Variants in FAM135B observed in about 807,000 individuals in gnomAD.
The protein encoded by FAM135B is family with sequence similarity 135 member B, also known as protein FAM135B.
A neutral mutation model predicts 127.7 loss-of-function variants in FAM135B; 43 were observed. The ratio of observed to expected loss-of-function variants is 0.34; its 90% CI spans 0.26 to 0.43. The LOEUF (loss-of-function observed/expected upper bound fraction) is 0.43. Ranked by LOEUF, FAM135B falls within the 20% of genes least tolerant of loss-of-function variation. The pLI is 1.00. For missense variants in FAM135B, 1,558 were observed against 1,725.6 expected (o/e 0.90, Z 1.72); for synonymous variants, 670 against 665.1 (o/e 1.01, Z -0.11).
intron 1 of FAM135B, among the ~76,000 whole-genome samples, chr8:138,486,940 G>A (rs1231485105): frequency 6.6e-6 from 1 of 151,994 alleles, no homozygotes; most frequent in African/African-American, 2.4e-5. Context: ...AAGGTTCCTG[G>A]GATGAAGGAC....
chr8:138,415,831 G>C (rs753188939), intron 1 of FAM135B, among the ~76,000 whole-genome samples: 1 of 152,122 alleles, frequency 6.6e-6, no homozygotes, highest in Non-Finnish European at 1.5e-5. Flanking sequence ...CATCCCCATA[G>C]GCCCATCTCC....
At chr8:138,186,749 C>T (rs1815621172) in intron 9 of FAM135B, among the ~76,000 whole-genome samples, 1 of 152,178 alleles carries the variant, frequency 6.6e-6, no homozygotes, top group Admixed American at 6.5e-5. Flanking sequence ...GGGGCACCGC[C>T]CTAGAAGAGG....
chr8:138,132,733 A>C lies in FAM135B; in HGVS notation c.4081T>G (p.Leu1361Val), dbSNP rs963566320. ...GCGTGGAACACGTTGTGTCGGATTAAAGTGCAGTCCTTGGCTTCAACCAGA... is the reference window on the plus strand; with the variant it reads ...GCGTGGAACACGTTGTGTCGGATTACAGTGCAGTCCTTGGCTTCAACCAGA... Reference protein sequence around the residue: ...GPLVEAKDCTLIRHNVFHALP... With the variant: ...GPLVEAKDCTVIRHNVFHALP... The change falls in exon 20 of 20, where the codon TTA (leucine) becomes GTA (valine). Residue 1361 changes from leucine (L) to valine (V), a missense_variant. By Grantham distance (32) the Leu-to-Val change is conservative (BLOSUM62 1). Coordinates refer to ENST00000395297, the MANE Select transcript of FAM135B (RefSeq NM_015912.4). This position sits in a 1 kb window ranked among gnomAD's most constrained non-coding sequence, Gnocchi z 4.5. 1 of 1,614,182 alleles carries C rather than the reference A, an allele frequency of 6.2e-7. No individual in the cohort carries two copies.
intron 1 of FAM135B, among the ~76,000 whole-genome samples, chr8:138,416,653 C>A (rs1483078691): frequency 6.6e-6 from 1 of 152,032 alleles, no homozygotes; most frequent in South Asian, 2.1e-4. Context: ...TGAAACCAAA[C>A]AAACATAATT....
chr8:138,264,017 C>T (rs1400761979), intron 4 of FAM135B, among the ~76,000 whole-genome samples: 1 of 152,186 alleles, frequency 6.6e-6, no homozygotes. Flanking sequence ...CCTATCATGG[C>T]CCACAATGCT....
At position 138,324,821 on chromosome 8, in the gene FAM135B, C is replaced by A. The variant is rs375071772; in HGVS notation, c.78-13901G>T. On this transcript the variant is annotated intron_variant, in intron 2 of 19. Transcript: ENST00000395297. ...GTGCTCGTAACGACTATACAATACA[C>A]CCTATCCTGACCGGGGGAAGAATTA... is the stretch of plus-strand genomic sequence containing the variant. 3.9e-5 allele frequency among the ~76,000 whole-genome samples: 6 copies of A among 152,170 alleles called. No individual in the cohort carries two copies. In the East Asian group the frequency reaches 5.8e-4, roughly 15 times the overall value.
At position 138,141,327 on chromosome 8, in the gene FAM135B, T is replaced by C. The variant is rs778971795; in HGVS notation, c.3661A>G (p.Asn1221Asp). Residue 1221 changes from asparagine to aspartate, a missense_variant, in exon 17 of 20, where the codon AAC becomes GAC. Asn to Asp is a conservative substitution (Grantham distance 23). Coordinates refer to ENST00000395297, the MANE Select transcript of FAM135B (RefSeq NM_015912.4). This position sits in a 1 kb window ranked among gnomAD's most constrained non-coding sequence, Gnocchi z 4.7. ...RISFIGHSLG[N>D]IIIRSVLTRP... ...GTGAGGACCGATCGGATGATGATGT[T>C]GCCAAGAGAATGGCCAATGAAGCTG... 6.2e-7 allele frequency: 1 copy of C among 1,614,102 alleles called. No individual in the cohort carries two copies. The highest frequency in any genetic ancestry group is 8.5e-7 in the Non-Finnish European group (1 of 1,180,008).
intron 3 of FAM135B, among the ~76,000 whole-genome samples, chr8:138,298,025 C>T (rs564734658): frequency 3.9e-5 from 6 of 152,174 alleles, no homozygotes; most frequent in Admixed American, 1.3e-4. Context: ...CCTACCTCCA[C>T]GACTTAATAC....
chr8:138,288,974 G>A (rs903251986), intron 3 of FAM135B, among the ~76,000 whole-genome samples: 2 of 152,174 alleles, frequency 1.3e-5, no homozygotes, highest in African/African-American at 4.8e-5. Context: ...CAGGCTGGAA[G>A]TCTGCCTAAA....
At chr8:138,348,127 C>CTTTTTTTTTTTTTT (rs58289442) in intron 2 of FAM135B, among the ~76,000 whole-genome samples, 2 of 52,838 alleles carry the variant, frequency 3.8e-5, no homozygotes, top group Non-Finnish European at 6.3e-5. Context: ...TTTTCCTCCT[C>CTTTTTTTTTTTTTT]TTTTTTTTTT....
intron 10 of FAM135B, 123 bp downstream of exon 10, chr8:138,178,412 G>T: frequency 8.9e-7 from 1 of 1,125,576 alleles, no homozygotes; most frequent in Non-Finnish European, 1.3e-6. Context: ...CACGGTCATG[G>T]TAGAGACACG....
At chr8:138,453,464 G>A (rs1836606622) in intron 1 of FAM135B, among the ~76,000 whole-genome samples, 1 of 149,744 alleles carries the variant, frequency 6.7e-6, no homozygotes, top group East Asian at 2.0e-4. Context: ...CTATCTTCAT[G>A]ACGTAAGAGA....
intron 9 of FAM135B, among the ~76,000 whole-genome samples, chr8:138,179,706 C>G (rs761424645): frequency 2.6e-5 from 4 of 152,104 alleles, no homozygotes; most frequent in Non-Finnish European, 5.9e-5. Flanking sequence ...TTTTGTTTTT[C>G]TTTTAGTGAC....
chr8:138,424,617 A>G (rs1834733138), intron 1 of FAM135B, among the ~76,000 whole-genome samples: 1 of 152,200 alleles, frequency 6.6e-6, no homozygotes, highest in South Asian at 2.1e-4. Flanking sequence ...ACACTAGAAA[A>G]TTATGGCTCT....
intron 1 of FAM135B, among the ~76,000 whole-genome samples, chr8:138,390,164 T>A (rs1832462276): frequency 6.6e-6 from 1 of 152,172 alleles, no homozygotes; most frequent in Admixed American, 6.5e-5. Context: ...TTGTCTCAAA[T>A]GCACATTTAA....
intron 1 of FAM135B, among the ~76,000 whole-genome samples, chr8:138,420,550 A>G (rs1834432523): frequency 6.6e-6 from 1 of 151,994 alleles, no homozygotes; most frequent in African/African-American, 2.4e-5. Flanking sequence ...CAGAGACACA[A>G]CAGAAAAAGA....
At chr8:138,171,672 G>A (rs1448892541) in intron 11 of FAM135B, among the ~76,000 whole-genome samples, 1 of 152,204 alleles carries the variant, frequency 6.6e-6, no homozygotes, top group Admixed American at 6.5e-5. Flanking sequence ...GCTGCAGCAG[G>A]AAGGTCCCGA....
At chr8:138,191,695 T>C (rs1295580196) in intron 9 of FAM135B, among the ~76,000 whole-genome samples, 2 of 152,190 alleles carry the variant, frequency 1.3e-5, no homozygotes, top group Non-Finnish European at 2.9e-5. Context: ...AAAAGATGAA[T>C]GGCAGTCGTT....
intron 1 of FAM135B, among the ~76,000 whole-genome samples, chr8:138,403,763 C>T (rs1420519558): frequency 3.3e-5 from 5 of 152,180 alleles, no homozygotes; most frequent in Non-Finnish European, 7.3e-5. Flanking sequence ...AAGACCTACA[C>T]CTCAGTGTTC....
Sources: gnomAD v4.1 joint callset for allele counts (sites outside exome capture counted in the v4.1 genomes callset) on GRCh38, gnomAD v4.1.1 for gene constraint, Gnocchi (gnomAD v3.1) non-coding constraint, MANE v1.5 for transcripts, NCBI Gene and HGNC (gene_info 2026-07-23, HGNC 2026-07-21) for gene names.